Variants in INPP4B observed in about 807,000 individuals in gnomAD.
INPP4B encodes the protein inositol polyphosphate-4-phosphatase type II B.
INPP4B carries 55 observed loss-of-function variants against 122.5 expected under a neutral mutation model. The ratio of observed to expected loss-of-function variants is 0.45; its 90% CI spans 0.36 to 0.56. The LOEUF (loss-of-function observed/expected upper bound fraction) is 0.56, where lower values mean the gene tolerates loss of function less well. Ranked by LOEUF, INPP4B falls within the 20% of genes least tolerant of loss-of-function variation. The probability of loss-of-function intolerance (pLI) is 0.00; values close to 1 mark genes in which losing one functional copy is unlikely to be tolerated. For missense variants in INPP4B, 1,000 were observed against 1,097.7 expected (o/e 0.91, Z 1.26); for synonymous variants, 403 against 388.7 (o/e 1.04, Z -0.43).
chr4:142,699,700 CT>C (rs1359104279), intron 2 of INPP4B, among the ~76,000 whole-genome samples: 1 of 152,176 alleles, frequency 6.6e-6, no homozygotes, highest in African/African-American at 2.4e-5. Flanking sequence ...CTCTCTGACA[CT>C]GTGCTTCCTA....
chr4:142,803,159 G>T, intron 1 of INPP4B, among the ~76,000 whole-genome samples: 1 of 135,154 alleles, frequency 7.4e-6, no homozygotes, highest in African/African-American at 2.9e-5. Flanking sequence ...GCAACAGAGT[G>T]AGACTACGTC....
intron 2 of INPP4B, among the ~76,000 whole-genome samples, chr4:142,644,149 T>G (rs1751183426): frequency 6.6e-6 from 1 of 151,078 alleles, no homozygotes; most frequent in South Asian, 2.1e-4. Context: ...TAGTGAGCTG[T>G]GACTACACCA....
chr4:142,258,591 A>G (rs537172887), intron 11 of INPP4B, among the ~76,000 whole-genome samples: 49 of 152,346 alleles, frequency 3.2e-4, no homozygotes, highest in Admixed American at 2.4e-3. Flanking sequence ...CAGCCAAAAA[A>G]CACATGAAAA....
chr4:142,218,240 C>A (rs1259911038), intron 12 of INPP4B, among the ~76,000 whole-genome samples: 1 of 152,096 alleles, frequency 6.6e-6, no homozygotes, highest in African/African-American at 2.4e-5. Context: ...GGGCTTTTAT[C>A]CCTCCTACCA....
chr4:142,696,510 C>T (rs527443842), intron 2 of INPP4B, among the ~76,000 whole-genome samples: 1 of 152,226 alleles, frequency 6.6e-6, no homozygotes, highest in African/African-American at 2.4e-5. Flanking sequence ...TTCCCCACCC[C>T]AGCCCTGACA....
intron 25 of INPP4B, among the ~76,000 whole-genome samples, chr4:142,062,388 A>G (rs1033685343): frequency 2.0e-5 from 3 of 152,102 alleles, no homozygotes; most frequent in Non-Finnish European, 4.4e-5. Context: ...AATCTACCAC[A>G]AAACTCAACT....
At chr4:142,157,739 A>T (rs1456514418) in intron 17 of INPP4B, among the ~76,000 whole-genome samples, 1 of 152,126 alleles carries the variant, frequency 6.6e-6, no homozygotes, top group African/African-American at 2.4e-5. Flanking sequence ...CAACCATGCC[A>T]CCTGATACTC....
intron 3 of INPP4B, among the ~76,000 whole-genome samples, chr4:142,442,101 A>G (rs966250354): frequency 6.6e-6 from 1 of 152,124 alleles, no homozygotes; most frequent in African/African-American, 2.4e-5. Context: ...CCCAACTTCA[A>G]AAGCATAGAC....
intron 3 of INPP4B, among the ~76,000 whole-genome samples, chr4:142,443,680 G>A (rs767505673): frequency 9.9e-5 from 15 of 152,078 alleles, no homozygotes; most frequent in South Asian, 2.1e-4. Flanking sequence ...ACCAGAGGGG[G>A]CATGCAAGCA....
At chr4:142,515,915 C>T (rs1825366380) in intron 2 of INPP4B, among the ~76,000 whole-genome samples, 1 of 152,104 alleles carries the variant, frequency 6.6e-6, no homozygotes, top group Non-Finnish European at 1.5e-5. Flanking sequence ...CATGAAAAGG[C>T]ATTGTTCTAA....
rs116339151 is a variant in INPP4B, at chr4:142,475,009, C to T, written c.-190-12283G>A. 5.7e-3 allele frequency among the ~76,000 whole-genome samples: 862 copies of T among 152,322 alleles called. 12 individuals carry two copies. Among genetic ancestry groups the T allele is most frequent in the African/African-American group, 0.02 (822 of 41,582 alleles). ...ACCAGCAGTTTTGCTTCCGTCTGCA[C>T]TCTGTGGGCAGGTGCAACCTTGTGA... On this transcript the variant is annotated intron_variant, in intron 2 of 25. Transcript: ENST00000262992.
intron 7 of INPP4B, among the ~76,000 whole-genome samples, chr4:142,315,518 A>C (rs1317550028): frequency 6.6e-6 from 1 of 152,012 alleles, no homozygotes; most frequent in Non-Finnish European, 1.5e-5. Context: ...CTGGCTGTAC[A>C]TTAGAATCAC....
intron 2 of INPP4B, among the ~76,000 whole-genome samples, chr4:142,598,382 C>A (rs1260853407): frequency 3.9e-5 from 6 of 152,180 alleles, no homozygotes; most frequent in Non-Finnish European, 8.8e-5. Flanking sequence ...ACTTCCTCAC[C>A]TCTGAGACTT....
At chr4:142,711,341 C>A (rs1267959075) in intron 2 of INPP4B, among the ~76,000 whole-genome samples, 1 of 152,088 alleles carries the variant, frequency 6.6e-6, no homozygotes, top group African/African-American at 2.4e-5. Context: ...TTATAGAATA[C>A]TTTATACTTA....
chr4:142,119,639 T>G (rs192893445), intron 21 of INPP4B, among the ~76,000 whole-genome samples: 3 of 148,340 alleles, frequency 2.0e-5, no homozygotes, highest in African/African-American at 7.5e-5. Context: ...TACATTGGAG[T>G]CTGTCGTGGG....
At chr4:142,142,755 A>T (rs1808523021) in intron 18 of INPP4B, among the ~76,000 whole-genome samples, 1 of 152,146 alleles carries the variant, frequency 6.6e-6, no homozygotes, top group South Asian at 2.1e-4. Flanking sequence ...AAGTATTCAA[A>T]CAAGGAAGAA....
At chr4:142,400,174 T>C (rs1027755125) in intron 7 of INPP4B, among the ~76,000 whole-genome samples, 1 of 152,174 alleles carries the variant, frequency 6.6e-6, no homozygotes, top group African/African-American at 2.4e-5. Flanking sequence ...CAAAGTAACG[T>C]GTTTATTTCA....
At chr4:142,435,716 G>GAAGT (rs1349260829) in intron 3 of INPP4B, among the ~76,000 whole-genome samples, 21 of 152,314 alleles carry the variant, frequency 1.4e-4, no homozygotes, top group Non-Finnish European at 2.6e-4. Context: ...AGGGAGGCAG[G>GAAGT]AAGTAAGTGT....
intron 12 of INPP4B, among the ~76,000 whole-genome samples, chr4:142,219,473 ATTTATTT>A (rs1848536726): frequency 6.6e-6 from 1 of 152,154 alleles, no homozygotes; most frequent in African/African-American, 2.4e-5. Context: ...CATGGCCAGC[ATTTATTT>A]TTTAGTATTT....
Sources: allele counts gnomAD v4.1 joint callset (sites outside exome capture counted in the v4.1 genomes callset), GRCh38; gene constraint gnomAD v4.1.1; transcripts MANE v1.5; gene names NCBI Gene and HGNC (gene_info 2026-07-23, HGNC 2026-07-21).